Variants in DENND5B observed in about 807,000 individuals in gnomAD.
The protein encoded by DENND5B is DENN domain containing 5B.
Under a neutral mutation model 140.6 loss-of-function variants are expected in DENND5B, and 34 were observed. The observed-to-expected ratio is 0.24, with a 90% CI of 0.18 to 0.32. The LOEUF (loss-of-function observed/expected upper bound fraction) is 0.32, where lower values mean the gene tolerates loss of function less well. Ranked by LOEUF, DENND5B falls within the 10% of genes least tolerant of loss-of-function variation. DENND5B has a pLI of 1.00. For missense variants in DENND5B, 1,142 were observed against 1,560.2 expected (o/e 0.73, Z 4.52); for synonymous variants, 551 against 562.1 (o/e 0.98, Z 0.28).
chr12:31,403,515 C>T (rs1245297401), intron 14 of DENND5B, among the ~76,000 whole-genome samples: 4 of 150,818 alleles, frequency 2.7e-5, no homozygotes, highest in Non-Finnish European at 5.9e-5. Flanking sequence ...ATCACTTGAA[C>T]CCGGGAGGCA....
chr12:31,452,260 C>T lies in DENND5B; in HGVS notation c.1309G>A (p.Val437Ile). The change falls in exon 5 of 21, where the codon GTC (valine) becomes ATC (isoleucine). Residue 437 changes from valine to isoleucine, a missense_variant. Val to Ile is a conservative substitution (Grantham distance 29). Transcript: ENST00000389082. The stretch of plus-strand genomic sequence containing the variant: ...TACATGCTGATGTTATTAGTACAGA[C>T]ATTGCCGTTCTTTTTGTCATTGACC... ...DLVNDKKNGNVCTNNISMYEL... is the reference protein window; with the variant it reads ...DLVNDKKNGNICTNNISMYEL... 2 of 1,613,956 alleles carry T rather than the reference C, an allele frequency of 1.2e-6. No individual in the cohort carries two copies. Among genetic ancestry groups the T allele is most frequent in the Non-Finnish European group, 1.7e-6 (2 of 1,179,884 alleles).
intron 18 of DENND5B, 28 bp from the exon 19 acceptor site, chr12:31,392,421 G>T: frequency 6.2e-7 from 1 of 1,607,690 alleles, no homozygotes; most frequent in South Asian, 1.1e-5. Context: ...CAGTGCCAAA[G>T]AAAAATCTCC....
intron 1 of DENND5B, 151 bp downstream of exon 1, chr12:31,590,555 T>C (rs1179685010): frequency 4.1e-6 from 4 of 972,560 alleles, no homozygotes; most frequent in East Asian, 6.9e-5. Context: ...TGTCATTAAA[T>C]CGCGCCCGAG....
chr12:31,447,228 G>A (rs1018749405), intron 6 of DENND5B, among the ~76,000 whole-genome samples: 5 of 152,076 alleles, frequency 3.3e-5, no homozygotes, highest in East Asian at 1.9e-4. Context: ...TCAAGATTGC[G>A]CCACTGCACT....
intron 1 of DENND5B, among the ~76,000 whole-genome samples, chr12:31,515,865 T>C (rs1239342411): frequency 4.6e-5 from 7 of 152,210 alleles, no homozygotes; most frequent in Non-Finnish European, 1.0e-4. Flanking sequence ...AATTTATCAG[T>C]AATGGTTCTT....
chr12:31,457,411 TTAAAA>T (rs1443780862), intron 4 of DENND5B, among the ~76,000 whole-genome samples: 3 of 152,242 alleles, frequency 2.0e-5, no homozygotes, highest in Non-Finnish European at 2.9e-5. Context: ...TCATACCTTC[TTAAAA>T]TAATCATTTT....
At chr12:31,585,544 A>G (rs1427004363) in intron 1 of DENND5B, among the ~76,000 whole-genome samples, 1 of 152,204 alleles carries the variant, frequency 6.6e-6, no homozygotes, top group African/African-American at 2.4e-5. Context: ...GAGTTTAAAT[A>G]GAATAACTAT....
At position 31,447,733 on chromosome 12, in the gene DENND5B, G is replaced by T; in HGVS notation, c.1666C>A (p.Pro556Thr). The T allele has an allele frequency of 1.2e-6, 2 of 1,607,392 alleles. No individual in the cohort carries two copies. Among genetic ancestry groups the T allele is most frequent in the Non-Finnish European group, 1.7e-6 (2 of 1,176,654 alleles). Residue 556 changes from proline (P) to threonine (T), a missense_variant, in exon 6 of 21, where the codon CCA becomes ACA. Physicochemically the swap from Pro to Thr is conservative, Grantham distance 38 (BLOSUM62 -1). This residue lies in a region of DENND5B where 708 missense variants were observed against 905.5 expected (regional missense o/e 0.78). Transcript: ENST00000389082. The part of the protein sequence containing the change: ...FLSDQPEPYL[P>T]FLSRFIETQM... ...GTTTCAATGAAGCGTGAAAGAAATGGCAGGTAAGGCTCAGGCTGGTCAGAC... is the reference window on the plus strand; with the variant it reads ...GTTTCAATGAAGCGTGAAAGAAATGTCAGGTAAGGCTCAGGCTGGTCAGAC...
chr12:31,387,539 T>C lies in DENND5B; in HGVS notation c.*64A>G. The C allele has an allele frequency of 6.5e-7, 1 of 1,549,848 alleles. No individual in the cohort carries two copies. ...CAGTGACTCACTACTGTCAGACAAG[T>C]CCAAATCGGTCCCCTAGTTGGGGAA... On this transcript the variant is annotated 3_prime_UTR_variant, in exon 21 of 21. Transcript: ENST00000389082.
At chr12:31,526,441 A>G (rs1948084965) in intron 1 of DENND5B, among the ~76,000 whole-genome samples, 1 of 152,208 alleles carries the variant, frequency 6.6e-6, no homozygotes, top group Admixed American at 6.5e-5. Flanking sequence ...CTAAAGTTCA[A>G]CAATGCCCTG....
intron 1 of DENND5B, among the ~76,000 whole-genome samples, chr12:31,543,498 C>T (rs529959700): frequency 1.5e-4 from 23 of 152,124 alleles, no homozygotes; most frequent in African/African-American, 4.3e-4. Context: ...TAGGCTGTTA[C>T]GGAAGTTTAA....
At chr12:31,442,626 G>T in intron 7 of DENND5B, 149 bp downstream of exon 7, 1 of 654,226 alleles carries the variant, frequency 1.5e-6, no homozygotes, top group Non-Finnish European at 2.2e-6. Context: ...TGACAGAAGT[G>T]TCAATCCATA....
chr12:31,560,638 G>GGCT (rs1949441561), intron 1 of DENND5B, among the ~76,000 whole-genome samples: 1 of 152,118 alleles, frequency 6.6e-6, no homozygotes. Flanking sequence ...ATCAGGCAAT[G>GGCT]GCTCCCCCCA....
intron 11 of DENND5B, 21 bp from the exon 12 acceptor site, chr12:31,415,469 A>G: frequency 2.6e-6 from 4 of 1,536,354 alleles, no homozygotes; most frequent in Non-Finnish European, 3.5e-6. Context: ...AAATATCAAC[A>G]AAATATTAGA....
At chr12:31,582,843 T>G (rs1351131630) in intron 1 of DENND5B, among the ~76,000 whole-genome samples, 1 of 152,232 alleles carries the variant, frequency 6.6e-6, no homozygotes, top group African/African-American at 2.4e-5. Flanking sequence ...TGATACAGCA[T>G]ATGTTACTAG....
chr12:31,481,959 G>A (rs76983169), intron 2 of DENND5B, among the ~76,000 whole-genome samples: 27 of 152,270 alleles, frequency 1.8e-4, no homozygotes, highest in Non-Finnish European at 4.0e-4. Flanking sequence ...CTTCCCCTAT[G>A]CACATTCCAC....
intron 13 of DENND5B, among the ~76,000 whole-genome samples, chr12:31,411,336 C>CT (rs143130029): frequency 5.5e-3 from 338 of 61,924 alleles, no homozygotes; most frequent in African/African-American, 0.01. Flanking sequence ...CACGCCCGGC[C>CT]TTTTTTTTTT....
At chr12:31,496,820 C>T (rs1029218527) in intron 1 of DENND5B, among the ~76,000 whole-genome samples, 2 of 151,978 alleles carry the variant, frequency 1.3e-5, no homozygotes, top group African/African-American at 2.4e-5. Flanking sequence ...GACCTATTAT[C>T]CCTAAATGTT....
chr12:31,427,332 C>T (rs1218759144), intron 8 of DENND5B, among the ~76,000 whole-genome samples: 2 of 152,054 alleles, frequency 1.3e-5, no homozygotes, highest in African/African-American at 4.8e-5. Flanking sequence ...AGAGGCCAGG[C>T]GGTGGCTCAC....
Sources: allele counts gnomAD v4.1 joint callset (sites outside exome capture counted in the v4.1 genomes callset), GRCh38; gene constraint gnomAD v4.1.1; regional missense constraint gnomAD v4.1.1; transcripts MANE v1.5; gene names NCBI Gene and HGNC (gene_info 2026-07-23, HGNC 2026-07-21).